PRRC2B: variants seen among roughly 807,000 people sequenced by gnomAD.
PRRC2B encodes the protein proline rich coiled-coil 2B, also known as protein PRRC2B.
Under a neutral mutation model 242.3 loss-of-function variants are expected in PRRC2B, and 68 were observed. The ratio of observed to expected loss-of-function variants is 0.28; its 90% CI spans 0.23 to 0.34. The LOEUF is 0.34. Ranked by LOEUF, PRRC2B falls within the 10% of genes least tolerant of loss-of-function variation. The pLI, the probability that PRRC2B is intolerant of heterozygous loss-of-function variation, is 1.00. For missense variants in PRRC2B, 2,835 were observed against 2,954.8 expected, an observed-to-expected ratio of 0.96 and a Z score of 0.94; for synonymous variants, 1,228 against 1,173.6, an observed-to-expected ratio of 1.05 and a Z score of -0.95.
intron 1 of PRRC2B, among the ~76,000 whole-genome samples, chr9:131,427,168 T>C (rs1052919515): frequency 6.6e-6 from 1 of 152,234 alleles, no homozygotes; most frequent in Non-Finnish European, 1.5e-5. Flanking sequence ...TGGCAGATCT[T>C]AGGTATCAGT....
chr9:131,378,912 T>G (rs1055580952), intron 1 of PRRC2B, among the ~76,000 whole-genome samples: 1 of 152,142 alleles, frequency 6.6e-6, no homozygotes, highest in Non-Finnish European at 1.5e-5. Flanking sequence ...AGAGACGAGG[T>G]TTCACCATGT....
rs1944321079 is a variant in PRRC2B, at chr9:131,495,877, G to T, written c.*3G>T. 6.3e-7 allele frequency: 1 copy of T among 1,599,240 alleles called. No homozygotes were observed. Among genetic ancestry groups the T allele is most frequent in the Non-Finnish European group, 8.6e-7 (1 of 1,168,274 alleles). ...AAGTGGAGGAGAGTAAGGCCTGACA[G>T]TGCCTGGCTGCCACCTCGCCTCTCC... On this transcript the variant is annotated 3_prime_UTR_variant, in exon 32 of 32. Transcript: ENST00000683519.
chr9:131,483,302 G>T, intron 22 of PRRC2B, 57 bp from the exon 23 acceptor site: 1 of 1,494,510 alleles, frequency 6.7e-7, no homozygotes, highest in Non-Finnish European at 9.3e-7. Context: ...TATGCCTCTG[G>T]GGAATGTAGG....
At chr9:131,391,358 C>T (rs994186888), upstream of PRRC2B, among the ~76,000 whole-genome samples, 3 of 151,992 alleles carry the variant, frequency 2.0e-5, no homozygotes, top group Non-Finnish European at 2.9e-5. Context: ...TGATGAACTC[C>T]GCTTCATCAA....
At chr9:131,454,027 G>A (rs569450334) in intron 9 of PRRC2B, among the ~76,000 whole-genome samples, 41 of 152,164 alleles carry the variant, frequency 2.7e-4, no homozygotes, top group African/African-American at 4.3e-4. Flanking sequence ...GTTGGCAGGC[G>A]CTCTCTCCCA....
At chr9:131,440,069 TTGAC>T (rs1436269048) in intron 5 of PRRC2B, among the ~76,000 whole-genome samples, 2 of 152,048 alleles carry the variant, frequency 1.3e-5, no homozygotes, top group Admixed American at 1.3e-4. Context: ...GATTAATTGA[TTGAC>T]TGAGTGATTG....
chr9:131,409,845 C>G, intron 1 of PRRC2B, among the ~76,000 whole-genome samples: 1 of 152,232 alleles, frequency 6.6e-6, no homozygotes, highest in East Asian at 1.9e-4. Context: ...CAATCCAATA[C>G]AAATGCTGTC....
In PRRC2B at chr9:131,459,336, G is replaced by C. The variant is rs1943175446; in HGVS notation, c.1384G>C (p.Ala462Pro). Residue 462 changes from alanine to proline, a missense_variant, in exon 11 of 32, where the codon GCA (alanine) becomes CCA (proline). Ala to Pro is a conservative substitution (Grantham distance 27). Around this residue, in one of 7 missense-constraint regions of PRRC2B, gnomAD observed 626 missense variants for 685.5 expected, o/e 0.91. Transcript: ENST00000683519. ...QPPPRKLHGW[A>P]PGPDYQKSSM... ...ACCGCCCAGGAAGCTTCATGGCTGG[G>C]CACCAGGCCCTGACTACCAGGTACC... 6.2e-7 allele frequency: 1 copy of C among 1,613,414 alleles called. No individual in the cohort carries two copies. Among genetic ancestry groups the C allele is most frequent in the African/African-American group, 1.3e-5 (1 of 74,922 alleles).
chr9:131,473,444 G>C, intron 14 of PRRC2B, 64 bp from the exon 15 acceptor site: 1 of 1,294,776 alleles, frequency 7.7e-7, no homozygotes. Context: ...GCCTTTGGTT[G>C]ACCCTGAGAT....
chr9:131,469,168 T>C (rs1243217153), intron 13 of PRRC2B, among the ~76,000 whole-genome samples: 1 of 152,024 alleles, frequency 6.6e-6, no homozygotes, highest in Non-Finnish European at 1.5e-5. Flanking sequence ...ACCCCATCTC[T>C]ACTAAAAATA....
intron 14 of PRRC2B, among the ~76,000 whole-genome samples, chr9:131,472,568 C>T (rs924828300): frequency 6.7e-6 from 1 of 149,708 alleles, no homozygotes; most frequent in Non-Finnish European, 1.5e-5. Context: ...CCTCCACCTC[C>T]CGGGTTCAAG....
At chr9:131,477,509 C>T (rs1035208548) in intron 16 of PRRC2B, among the ~76,000 whole-genome samples, 5 of 152,180 alleles carry the variant, frequency 3.3e-5, no homozygotes, top group Admixed American at 6.5e-5. Flanking sequence ...GTGGGAGAGC[C>T]CTGGGGAGCC....
chr9:131,476,816 G>A (rs939008389), intron 16 of PRRC2B, among the ~76,000 whole-genome samples: 3 of 148,766 alleles, frequency 2.0e-5, no homozygotes, highest in East Asian at 2.1e-4. Context: ...CTGGAGCCCC[G>A]CCGAGGGGCC....
intron 10 of PRRC2B, among the ~76,000 whole-genome samples, chr9:131,456,084 G>A (rs984230359): frequency 6.6e-6 from 1 of 151,910 alleles, no homozygotes; most frequent in African/African-American, 2.4e-5. Context: ...CTGTACTTCA[G>A]CCTGGGCGAC....
chr9:131,387,780 C>A (rs561616942), intron 1 of PRRC2B, among the ~76,000 whole-genome samples: 4 of 150,144 alleles, frequency 2.7e-5, no homozygotes, highest in African/African-American at 9.7e-5. Flanking sequence ...GTATAAAATA[C>A]ATGCCGGACT....
At chr9:131,379,071 A>G (rs1313213353) in intron 1 of PRRC2B, among the ~76,000 whole-genome samples, 1 of 152,166 alleles carries the variant, frequency 6.6e-6, no homozygotes, top group African/African-American at 2.4e-5. Flanking sequence ...TTTTGTACAA[A>G]GGGAATCATG....
intron 11 of PRRC2B, among the ~76,000 whole-genome samples, chr9:131,463,941 CTT>C (rs112198206): frequency 2.1e-5 from 3 of 140,624 alleles, no homozygotes; most frequent in Admixed American, 7.1e-5. Flanking sequence ...GCTAGACATG[CTT>C]TTTTTTTTTT....
chr9:131,469,513 CTA>C lies in PRRC2B; in HGVS notation c.1912-1271_1912-1270del, dbSNP rs59364202. Among the ~76,000 whole-genome samples, 582 of 152,192 alleles carry C rather than the reference CTA, an allele frequency of 3.8e-3. 4 individuals carry two copies. The highest frequency in any genetic ancestry group is 0.013 in the African/African-American group (556 of 41,500). ...TGACTCAAGTCTCTTGATTGATGAG[CTA>C]TATTTATTGAGTGCTCTTAATAGGC... On this transcript the variant is annotated intron_variant, in intron 13 of 31. Coordinates refer to ENST00000683519, the MANE Select transcript of PRRC2B (RefSeq NM_013318.4).
Position 131,494,835 on chromosome 9 carries a change from C to T in PRRC2B, c.6555+349C>T, listed in dbSNP as rs373416375. Among the ~76,000 whole-genome samples, 46 of 152,152 alleles carry T rather than the reference C, an allele frequency of 3.0e-4. No individual in the cohort carries two copies. Among genetic ancestry groups the T allele is most frequent in the African/African-American group, 9.6e-4 (40 of 41,536 alleles). Reference sequence around the variant, plus strand: ...TCGGCTTTAGGAGCCGGGGTGCGCGCGCTGGTTCTAGTCAGTGGTGTGTCT... The same window carrying T: ...TCGGCTTTAGGAGCCGGGGTGCGCGTGCTGGTTCTAGTCAGTGGTGTGTCT... On this transcript the variant is annotated intron_variant, in intron 31 of 31. Transcript: ENST00000683519. This position sits in a 1 kb window ranked among gnomAD's most constrained non-coding sequence, Gnocchi z 4.3.
Sources: gnomAD v4.1 joint callset for allele counts (sites outside exome capture counted in the v4.1 genomes callset) on GRCh38, gnomAD v4.1.1 for gene constraint, gnomAD v4.1.1 regional missense constraint, Gnocchi (gnomAD v3.1) non-coding constraint, MANE v1.5 for transcripts, NCBI Gene and HGNC (gene_info 2026-07-23, HGNC 2026-07-21) for gene names.